ELP4: variants seen among roughly 807,000 people sequenced by gnomAD.
The protein encoded by ELP4 is elongator complex protein 4.
Under a neutral mutation model 48.9 loss-of-function variants are expected in ELP4, and 51 were observed. The observed-to-expected ratio is 1.04, with a 90% confidence interval of 0.83 to 1.32. The LOEUF (loss-of-function observed/expected upper bound fraction) is 1.32. ELP4 is among the 40% of genes most tolerant of loss of function. The pLI is 0.00. For missense variants in ELP4, 519 were observed against 514.6 expected (o/e 1.01, Z -0.08); for synonymous variants, 210 against 189.2 (o/e 1.11, Z -0.90).
chr11:31,759,186 C>G (rs1005389327), intron 9 of ELP4, among the ~76,000 whole-genome samples: 2 of 152,106 alleles, frequency 1.3e-5, no homozygotes, highest in South Asian at 2.1e-4. Flanking sequence ...CCACATAATG[C>G]GTTAATCATC....
At chr11:31,777,298 C>T (rs1218239699) in intron 9 of ELP4, among the ~76,000 whole-genome samples, 2 of 152,114 alleles carry the variant, frequency 1.3e-5, no homozygotes, top group African/African-American at 2.4e-5. Context: ...GAAAGGAAAT[C>T]TGTCTTTCCA....
chr11:31,594,895 G>A lies in ELP4; in HGVS notation c.507G>A (p.Lys169=). ...CTTGGCGTTACCAGTTATTACCCAA[G>A]ATGGAGGCAAGTAAACATACAAATT... The part of the protein sequence containing the change: ...KIAWRYQLLP[K]MEIGPVSSSR... Residue 169 remains lysine, a synonymous_variant, in exon 4 of 10, where the codon AAG becomes AAA. Coordinates refer to ENST00000640961, the MANE Select transcript of ELP4 (RefSeq NM_019040.5). The A allele has an allele frequency of 6.4e-7, 1 of 1,553,498 alleles. No individual in the cohort carries two copies. The highest frequency in any genetic ancestry group is 8.6e-7 in the Non-Finnish European group (1 of 1,159,918).
At chr11:31,603,700 A>AT in intron 4 of ELP4, 68 bp from the exon 5 acceptor site, 2 of 1,529,842 alleles carry the variant, frequency 1.3e-6, no homozygotes, top group South Asian at 2.4e-5. Flanking sequence ...GTTTTGCTGG[A>AT]TGTAGGACAA....
intron 9 of ELP4, among the ~76,000 whole-genome samples, chr11:31,710,363 G>A (rs1467395359): frequency 3.3e-5 from 5 of 152,170 alleles, no homozygotes; most frequent in Admixed American, 6.5e-5. Flanking sequence ...GGTGGCTCAC[G>A]CCTGTAATCC....
chr11:31,762,209 A>G (rs1198280756), intron 9 of ELP4: 1 of 152,214 alleles, frequency 6.6e-6, no homozygotes, highest in Non-Finnish European at 1.5e-5. Flanking sequence ...ACAGAAAAAA[A>G]CTTGACCTAT....
At chr11:31,618,110 A>G (rs1387448261) in intron 5 of ELP4, among the ~76,000 whole-genome samples, 1 of 152,090 alleles carries the variant, frequency 6.6e-6, no homozygotes, top group Non-Finnish European at 1.5e-5. Context: ...TGGATAAAAA[A>G]TGTTATATCC....
chr11:31,564,587 T>C (rs1222330427), intron 3 of ELP4, among the ~76,000 whole-genome samples: 2 of 152,090 alleles, frequency 1.3e-5, no homozygotes, highest in East Asian at 3.9e-4. Context: ...GTCCAAGTGT[T>C]CTCATTGTTC....
At chr11:31,742,581 G>A (rs1947480048) in intron 9 of ELP4, among the ~76,000 whole-genome samples, 1 of 152,240 alleles carries the variant, frequency 6.6e-6, no homozygotes, top group Admixed American at 6.5e-5. Context: ...CCAGAAGAGA[G>A]TGGGGGCCAA....
chr11:31,594,799 A>G lies in ELP4; in HGVS notation c.411A>G (p.Lys137=). ...QELPAPLLDD[K]CKKEFDEDVY... ...TTCCAGCACCATTACTTGATGATAA[A>G]TGTAAAAAGGAATTTGATGAAGATG... Residue 137 remains lysine, a synonymous_variant, in exon 4 of 10, where the codon AAA becomes AAG. Transcript: ENST00000640961. The G allele has an allele frequency of 1.3e-6, 2 of 1,530,182 alleles. No individual in the cohort carries two copies. The highest frequency in any genetic ancestry group is 1.3e-5 in the South Asian group (1 of 74,172). 94.8% of individuals were successfully genotyped at this position (1,530,182 alleles called of 1,614,324 possible).
chr11:31,589,221 C>G (rs894679509), intron 3 of ELP4, among the ~76,000 whole-genome samples: 5 of 152,144 alleles, frequency 3.3e-5, no homozygotes, highest in Non-Finnish European at 5.9e-5. Context: ...TGAGTATCTT[C>G]TTTGTACTTC....
intron 9 of ELP4, among the ~76,000 whole-genome samples, chr11:31,722,170 T>A (rs553920430): frequency 4.9e-4 from 74 of 152,334 alleles, no homozygotes; most frequent in Non-Finnish European, 9.4e-4. Flanking sequence ...CTATCCAACC[T>A]GGCCATTGGA....
chr11:31,731,852 G>A (rs1039406916), intron 9 of ELP4, among the ~76,000 whole-genome samples: 6 of 151,888 alleles, frequency 4.0e-5, no homozygotes, highest in African/African-American at 1.5e-4. Flanking sequence ...TAAGACTATC[G>A]GTGGATTTCA....
intron 1 of ELP4, among the ~76,000 whole-genome samples, chr11:31,517,055 C>T (rs1369642921): frequency 1.3e-5 from 2 of 152,270 alleles, no homozygotes; most frequent in Admixed American, 6.5e-5. Context: ...TGTTTAGCCT[C>T]ACTGTAAATC....
chr11:31,528,539 G>T (rs1236012086), intron 2 of ELP4, among the ~76,000 whole-genome samples: 2 of 152,054 alleles, frequency 1.3e-5, no homozygotes, highest in African/African-American at 4.8e-5. Flanking sequence ...AACGGGTTAT[G>T]CTTAGACTGC....
intron 9 of ELP4, among the ~76,000 whole-genome samples, chr11:31,669,650 A>G (rs931645147): frequency 2.0e-5 from 3 of 152,124 alleles, no homozygotes; most frequent in Non-Finnish European, 4.4e-5. Flanking sequence ...TTCCTCAGTC[A>G]TTCACCCACA....
intron 9 of ELP4, among the ~76,000 whole-genome samples, chr11:31,727,311 TA>T (rs974937772): frequency 1.3e-5 from 2 of 152,166 alleles, no homozygotes; most frequent in Admixed American, 1.3e-4. Flanking sequence ...AATTATTTTT[TA>T]TACATAAAAG....
At chr11:31,581,029 T>G (rs1385905900) in intron 3 of ELP4, among the ~76,000 whole-genome samples, 1 of 152,210 alleles carries the variant, frequency 6.6e-6, no homozygotes, top group Non-Finnish European at 1.5e-5. Flanking sequence ...ATACATCTAT[T>G]GTTTTTTCTA....
Position 31,717,647 on chromosome 11 carries a change from G to A in ELP4, c.1144-65746G>A, listed in dbSNP as rs138622050. ...CACACGCCTGTAGTCTCAGCTACTC[G>A]GGAGGCTGAGGCAAAAGAATCGCTT... On this transcript the variant is annotated intron_variant, in intron 9 of 9. Transcript: ENST00000640961. Among the ~76,000 whole-genome samples the A allele has an allele frequency of 6.0e-3, 906 of 151,998 alleles. 8 individuals are homozygous for A. The highest frequency in any genetic ancestry group is 0.021 in the African/African-American group (864 of 41,458).
At chr11:31,517,148 T>C (rs546346830) in intron 1 of ELP4, among the ~76,000 whole-genome samples, 4 of 152,278 alleles carry the variant, frequency 2.6e-5, no homozygotes, top group South Asian at 2.1e-4. Flanking sequence ...ATAATAGTTA[T>C]GCTTTTTTGC....
Sources: allele counts gnomAD v4.1 joint callset (sites outside exome capture counted in the v4.1 genomes callset), GRCh38; gene constraint gnomAD v4.1.1; transcripts MANE v1.5; gene names NCBI Gene and HGNC (gene_info 2026-07-23, HGNC 2026-07-21).